Variants in CDON observed in about 807,000 individuals in gnomAD.
The protein encoded by CDON is cell adhesion associated, oncogene regulated.
Under a neutral mutation model 120.9 loss-of-function variants are expected in CDON, and 73 were observed. The observed-to-expected ratio is 0.60, with a 90% CI of 0.50 to 0.73. The LOEUF is 0.73. Ranked by LOEUF, CDON falls within the 30% of genes least tolerant of loss-of-function variation. The pLI is 0.00. For missense variants in CDON, 1,470 were observed against 1,587.3 expected (o/e 0.93, Z 1.26); for synonymous variants, 566 against 573.5 (o/e 0.99, Z 0.19).
chr11:125,972,857 A>C (rs1389138890), intron 18 of CDON, among the ~76,000 whole-genome samples: 1 of 151,516 alleles, frequency 6.6e-6, no homozygotes, highest in African/African-American at 2.4e-5. Context: ...GGCGAATTGC[A>C]GAGGCACCAC....
At chr11:125,961,621 A>G in intron 19 of CDON, 103 bp downstream of exon 19, 1 of 1,505,496 alleles carries the variant, frequency 6.6e-7, no homozygotes, top group South Asian at 1.2e-5. Flanking sequence ...AAATATGTAA[A>G]CTAATCATAG....
chr11:126,038,900 C>T (rs1367210413), intron 1 of CDON, among the ~76,000 whole-genome samples: 1 of 152,114 alleles, frequency 6.6e-6, no homozygotes, highest in African/African-American at 2.4e-5. Context: ...ACCTTCTTTG[C>T]TTGAACAGCC....
intron 18 of CDON, among the ~76,000 whole-genome samples, chr11:125,972,128 T>A (rs1015311504): frequency 2.0e-5 from 3 of 152,148 alleles, no homozygotes; most frequent in Non-Finnish European, 2.9e-5. Flanking sequence ...CATATTACTC[T>A]TAAAAACTGC....
chr11:126,050,412 G>A (rs1218267157), intron 1 of CDON, among the ~76,000 whole-genome samples: 1 of 151,060 alleles, frequency 6.6e-6, no homozygotes, highest in Non-Finnish European at 1.5e-5. Context: ...ACTTTTATAT[G>A]ATATCAATGC....
At chr11:126,025,965 C>A (rs1040530123) in intron 1 of CDON, among the ~76,000 whole-genome samples, 3 of 152,152 alleles carry the variant, frequency 2.0e-5, no homozygotes, top group Admixed American at 2.0e-4. Flanking sequence ...ACATGCGTAA[C>A]CACAGCACCC....
At chr11:125,997,981 A>G (rs1280393562) in intron 11 of CDON, among the ~76,000 whole-genome samples, 2 of 152,216 alleles carry the variant, frequency 1.3e-5, no homozygotes, top group Non-Finnish European at 2.9e-5. Flanking sequence ...GGGAGAGAGA[A>G]TGCTGCTCAG....
intron 3 of CDON, 138 bp from the exon 4 acceptor site, chr11:126,019,903 T>C: frequency 1.4e-6 from 1 of 734,152 alleles, no homozygotes; most frequent in South Asian, 1.6e-5. Flanking sequence ...GGCTGCATGA[T>C]CTTTTCATCT....
chr11:125,969,277 C>G lies in CDON; in HGVS notation c.3357-7279G>C, dbSNP rs530663282. The stretch of plus-strand genomic sequence containing the variant: ...TCTCCCAAAGTGCTGGGATTACAGG[C>G]GTGAGCCACCACGCCTGGACCGTGA... On this transcript the variant is annotated intron_variant, in intron 18 of 19. Transcript: ENST00000531738. 2.0e-5 allele frequency among the ~76,000 whole-genome samples: 3 copies of G among 152,216 alleles called. No homozygotes were observed. In the South Asian group the frequency reaches 6.2e-4, roughly 32 times the overall value.
At chr11:126,015,622 A>G in intron 6 of CDON, 112 bp from the exon 7 acceptor site, 2 of 1,128,314 alleles carry the variant, frequency 1.8e-6, no homozygotes, top group South Asian at 2.7e-5. Flanking sequence ...ACAAAGTTGC[A>G]TTGTTTATTC....
In CDON at chr11:126,062,573, C is replaced by T. The variant is rs1948829594; in HGVS notation, c.-62+6G>A. On this transcript the variant is annotated splice_donor_region_variant and intron_variant, in intron 1 of 19. Coordinates refer to ENST00000531738, the MANE Select transcript of CDON (RefSeq NM_001378964.1). The stretch of plus-strand genomic sequence containing the variant: ...CGACCCTGCGGCGGGACCCCCACCC[C>T]CGCACCTCTCCGCGGGGCTGGCTAA... The T allele has an allele frequency of 6.6e-6, 1 of 152,272 alleles. No homozygotes were observed. The highest frequency in any genetic ancestry group is 1.5e-5 in the Non-Finnish European group (1 of 68,202). The allele number at this position is 152,272 out of a possible 1,614,324, so 9.4% of individuals were successfully genotyped here. A position where few individuals can be genotyped will look rare whatever the true frequency, so the allele number is the denominator to read the frequency against.
At chr11:125,966,435 G>A (rs555397) in intron 18 of CDON, among the ~76,000 whole-genome samples, 10,754 of 152,166 alleles carry the variant, frequency 0.071, 501 homozygotes, top group East Asian at 0.14. Context: ...CAGTTCCCAC[G>A]ACAAGGGATG....
chr11:125,992,437 T>C (rs1946658045), intron 14 of CDON, among the ~76,000 whole-genome samples: 1 of 152,206 alleles, frequency 6.6e-6, no homozygotes. Flanking sequence ...AAGCTGGACA[T>C]GCTCATGGTA....
At chr11:126,025,560 A>G (rs184681298) in intron 1 of CDON, among the ~76,000 whole-genome samples, 2 of 152,270 alleles carry the variant, frequency 1.3e-5, no homozygotes, top group East Asian at 3.9e-4. Context: ...ATTTTACTAT[A>G]GAGACAGTAT....
chr11:126,038,727 G>A (rs1164409690), intron 1 of CDON, among the ~76,000 whole-genome samples: 1 of 151,810 alleles, frequency 6.6e-6, no homozygotes, highest in Non-Finnish European at 1.5e-5. Flanking sequence ...TAGTTGCAAA[G>A]TGTTCCAAGA....
At chr11:125,978,431 G>A in intron 17 of CDON, 48 bp from the exon 18 acceptor site, 1 of 1,222,214 alleles carries the variant, frequency 8.2e-7, no homozygotes, top group Non-Finnish European at 1.2e-6. Context: ...AAGGAATGCT[G>A]AAGGTACTCA....
At chr11:125,999,284 G>T (rs1379778638) in intron 11 of CDON, among the ~76,000 whole-genome samples, 1 of 152,158 alleles carries the variant, frequency 6.6e-6, no homozygotes, top group Non-Finnish European at 1.5e-5. Context: ...GAAAGTTATT[G>T]GGGAAAATGT....
intron 6 of CDON, among the ~76,000 whole-genome samples, 154 bp downstream of exon 6, chr11:126,016,934 A>G (rs1947484940): frequency 6.6e-6 from 1 of 152,290 alleles, no homozygotes; most frequent in African/African-American, 2.4e-5. Flanking sequence ...GGCCTAATTC[A>G]GCAGTCCATT....
chr11:125,980,929 T>C, intron 17 of CDON, 120 bp downstream of exon 17: 1 of 990,648 alleles, frequency 1.0e-6, no homozygotes, highest in Non-Finnish European at 1.6e-6. Context: ...ATCCATGCTG[T>C]TTCCATTCGA....
In CDON at chr11:126,060,126, C is replaced by G. The variant is rs146698002; in HGVS notation, c.-62+2453G>C. Among the ~76,000 whole-genome samples, 215 of 152,112 alleles carry G rather than the reference C, an allele frequency of 1.4e-3. 5 individuals are homozygous for G. Among genetic ancestry groups the G allele is most frequent in the African/African-American group, 5.1e-3 (210 of 41,486 alleles). ...ACTTATCACATGGAATGATTACATACAATATAAAAATTTAAGTAAAAATAA... is the reference window on the plus strand; with the variant it reads ...ACTTATCACATGGAATGATTACATAGAATATAAAAATTTAAGTAAAAATAA... On this transcript the variant is annotated intron_variant, in intron 1 of 19. Transcript: ENST00000531738.
Sources: gnomAD v4.1 joint callset for allele counts (sites outside exome capture counted in the v4.1 genomes callset) on GRCh38, gnomAD v4.1.1 for gene constraint, MANE v1.5 for transcripts, NCBI Gene and HGNC (gene_info 2026-07-23, HGNC 2026-07-21) for gene names.